CSMD1: variants seen among roughly 807,000 people sequenced by gnomAD.
CSMD1 encodes CUB and sushi domain-containing protein 1.
In CSMD1, 213 loss-of-function variants were observed where a neutral mutation model predicts 417.5. The ratio of observed to expected loss-of-function variants is 0.51; its 90% confidence interval spans 0.46 to 0.57. The LOEUF (loss-of-function observed/expected upper bound fraction) is 0.57. Among genes scored for constraint, CSMD1 ranks in the 20% least tolerant of loss-of-function variants. The pLI is 0.00. For synonymous variants in CSMD1, 2,862 were observed against 1,736.8 expected (o/e 1.65, Z -16.11); for missense variants, 6,923 against 4,529.7 (o/e 1.53, Z -15.17).
chr8:3,304,647 A>C (rs531872814), intron 25 of CSMD1, among the ~76,000 whole-genome samples: 1 of 152,188 alleles, frequency 6.6e-6, no homozygotes, highest in African/African-American at 2.4e-5. Flanking sequence ...ATATTGAAAT[A>C]TACGTATACG....
rs140880543 is a variant in CSMD1 at position 3,715,149 on chromosome 8, A to G, written c.932-6658T>C. On this transcript the variant is annotated intron_variant, in intron 6 of 69. Transcript: ENST00000635120. The stretch of plus-strand genomic sequence containing the variant: ...CGAAATTCAGATCACCTTATATTTT[A>G]AACACACATTTAATTATTTTTTGCA... 3.9e-3 allele frequency among the ~76,000 whole-genome samples: 592 copies of G among 152,314 alleles called. 7 individuals carry two copies. Among genetic ancestry groups the G allele is most frequent in the African/African-American group, 0.013 (555 of 41,552 alleles).
intron 3 of CSMD1, among the ~76,000 whole-genome samples, chr8:4,349,163 T>C (rs1240748064): frequency 1.3e-5 from 2 of 152,224 alleles, no homozygotes; most frequent in African/African-American, 2.4e-5. Flanking sequence ...TATGTGCTTT[T>C]GGTGTAATTT....
At chr8:3,054,704 CGTGT>C (rs1812099654) in intron 49 of CSMD1, among the ~76,000 whole-genome samples, 1 of 152,088 alleles carries the variant, frequency 6.6e-6, no homozygotes, top group Non-Finnish European at 1.5e-5. Flanking sequence ...CACGTGTGTA[CGTGT>C]GTGTACATGT....
At chr8:4,624,923 T>C (rs575241380) in intron 2 of CSMD1, among the ~76,000 whole-genome samples, 10 of 152,156 alleles carry the variant, frequency 6.6e-5, no homozygotes, top group Non-Finnish European at 1.5e-4. Flanking sequence ...AATTAAAGTG[T>C]GCTCCTGGTA....
chr8:3,682,933 A>G (rs1001465737), intron 7 of CSMD1, among the ~76,000 whole-genome samples: 3 of 152,110 alleles, frequency 2.0e-5, no homozygotes, highest in Non-Finnish European at 4.4e-5. Flanking sequence ...TCAGCAAACT[A>G]TCTATCGCAA....
chr8:4,084,199 G>T (rs970152079), intron 3 of CSMD1, among the ~76,000 whole-genome samples: 1 of 151,784 alleles, frequency 6.6e-6, no homozygotes, highest in East Asian at 1.9e-4. Flanking sequence ...ATTTTTTCCT[G>T]ATTTTTCAGT....
intron 2 of CSMD1, among the ~76,000 whole-genome samples, chr8:4,508,014 G>C (rs1802618273): frequency 6.7e-6 from 1 of 149,878 alleles, no homozygotes; most frequent in South Asian, 2.1e-4. Flanking sequence ...ACGTTTCTCA[G>C]TCACAAGAGA....
intron 8 of CSMD1, among the ~76,000 whole-genome samples, chr8:3,610,670 C>G (rs949167935): frequency 6.6e-6 from 1 of 152,082 alleles, no homozygotes; most frequent in Non-Finnish European, 1.5e-5. Flanking sequence ...TGTAACATAG[C>G]AAATATCTTA....
intron 5 of CSMD1, among the ~76,000 whole-genome samples, chr8:3,971,849 G>A (rs1023405574): frequency 2.6e-5 from 4 of 152,184 alleles, no homozygotes; most frequent in African/African-American, 9.6e-5. Flanking sequence ...TATTTAGCTT[G>A]CCTGTGTATC....
chr8:3,748,519 C>G (rs1462740951), intron 6 of CSMD1, among the ~76,000 whole-genome samples: 3 of 152,122 alleles, frequency 2.0e-5, no homozygotes, highest in Non-Finnish European at 4.4e-5. Context: ...CTAAACGTAA[C>G]TGAGCACTTT....
intron 12 of CSMD1, among the ~76,000 whole-genome samples, chr8:3,438,845 G>A (rs1238446407): frequency 6.6e-6 from 1 of 151,858 alleles, no homozygotes; most frequent in Non-Finnish European, 1.5e-5. Context: ...GCCAGGTGTG[G>A]TGGCTTGCAC....
At chr8:4,319,622 A>T (rs1799149587) in intron 3 of CSMD1, among the ~76,000 whole-genome samples, 2 of 152,152 alleles carry the variant, frequency 1.3e-5, no homozygotes, top group Admixed American at 1.3e-4. Context: ...AGAAAACAAA[A>T]GGGTGAATTA....
intron 2 of CSMD1, among the ~76,000 whole-genome samples, chr8:4,474,365 A>G (rs952079901): frequency 6.6e-6 from 1 of 152,200 alleles, no homozygotes; most frequent in Non-Finnish European, 1.5e-5. Context: ...GTGTTGTCTA[A>G]CTTGAGCTGA....
chr8:3,589,931 T>C (rs999131317), intron 8 of CSMD1, among the ~76,000 whole-genome samples: 1 of 142,612 alleles, frequency 7.0e-6, no homozygotes, highest in Non-Finnish European at 1.5e-5. Flanking sequence ...TTTCTGGCAA[T>C]ATATGTTTAT....
chr8:4,165,352 T>G lies in CSMD1; in HGVS notation c.416-133253A>C, dbSNP rs550762667. Among the ~76,000 whole-genome samples the G allele has an allele frequency of 1.3e-5, 2 of 152,356 alleles. 1 individual carries two copies. Among genetic ancestry groups the G allele is most frequent in the South Asian group, 4.1e-4 (2 of 4,832 alleles). On this transcript the variant is annotated intron_variant, in intron 3 of 69. Coordinates refer to ENST00000635120, the MANE Select transcript of CSMD1 (RefSeq NM_033225.6). ...CGCAAACACGTGGTGTCCCACAAAT[T>G]CCTTAGGACTCTAAAACAACTCTTA...
intron 47 of CSMD1, among the ~76,000 whole-genome samples, chr8:3,096,533 C>T (rs146088593): frequency 3.9e-5 from 6 of 152,266 alleles, no homozygotes; most frequent in Admixed American, 1.3e-4. Context: ...CCTTGCCTTC[C>T]TCCATGATTG....
rs185774804 is a variant in CSMD1 at position 3,642,687 on chromosome 8, G to A, written c.1010-25890C>T. On this transcript the variant is annotated intron_variant, in intron 7 of 69. Coordinates refer to ENST00000635120, the MANE Select transcript of CSMD1 (RefSeq NM_033225.6). Reference sequence around the variant, plus strand: ...TCACAACTGGGCTTATAGGAAAGAGGATACAAAAGAAGTATATTTAACATA... The same window carrying A: ...TCACAACTGGGCTTATAGGAAAGAGAATACAAAAGAAGTATATTTAACATA... Among the ~76,000 whole-genome samples the A allele has an allele frequency of 2.0e-5, 3 of 152,118 alleles. No individual in the cohort carries two copies. In the East Asian group the frequency reaches 5.8e-4, roughly 29 times the overall value.
chr8:3,827,859 G>C (rs1247734290), intron 5 of CSMD1, among the ~76,000 whole-genome samples: 1 of 152,154 alleles, frequency 6.6e-6, no homozygotes, highest in Admixed American at 6.5e-5. Context: ...TGTCACAGAA[G>C]AGCACTTCTG....
intron 3 of CSMD1, among the ~76,000 whole-genome samples, chr8:4,136,532 A>C (rs1252455641): frequency 6.6e-6 from 1 of 152,242 alleles, no homozygotes; most frequent in East Asian, 1.9e-4. Context: ...CATGCTCTTC[A>C]ATGACTCTCA....
Sources: allele counts gnomAD v4.1 joint callset (sites outside exome capture counted in the v4.1 genomes callset), GRCh38; gene constraint gnomAD v4.1.1; transcripts MANE v1.5; gene names NCBI Gene and HGNC (gene_info 2026-07-23, HGNC 2026-07-21).